SLF2: variants seen among roughly 807,000 people sequenced by gnomAD.
SLF2 encodes SMC5-SMC6 complex localization factor protein 2.
SLF2 carries 68 observed loss-of-function variants against 124.3 expected under a neutral mutation model. That is an observed-to-expected ratio of 0.55 (90% confidence interval 0.45 to 0.67). SLF2 has a LOEUF of 0.67. SLF2 is among the 30% of genes least tolerant of loss of function. The pLI is 0.00. For missense variants in SLF2, 1,246 were observed against 1,373.7 expected (o/e 0.91, Z 1.47); for synonymous variants, 480 against 478.8 (o/e 1.00, Z -0.03).
intron 7 of SLF2, 143 bp from the exon 8 acceptor site, chr10:100,929,687 G>A (rs1849689844): frequency 2.9e-6 from 2 of 693,524 alleles, no homozygotes; most frequent in Non-Finnish European, 4.6e-6. Flanking sequence ...AGTGGAAGAA[G>A]CAAAGCATAC....
chr10:100,941,296 A>T (rs1464519876), intron 11 of SLF2, among the ~76,000 whole-genome samples: 2 of 152,188 alleles, frequency 1.3e-5, no homozygotes, highest in African/African-American at 4.8e-5. Context: ...GAAAATTCAG[A>T]TATTAAGGGA....
Position 100,924,247 on chromosome 10 carries a change from G to A in SLF2, c.1246G>A (p.Gly416Ser). 2.5e-6 allele frequency: 4 copies of A among 1,614,066 alleles called. No homozygotes were observed. Among genetic ancestry groups the A allele is most frequent in the Non-Finnish European group, 3.4e-6 (4 of 1,180,018 alleles). ...GLAPSNSGNS[G>S]HHSTRNSDQI... ...GGCACCTTCAAATTCTGGCAATTCT[G>A]GCCACCATTCTACCAGGAATAGTGA... is the stretch of plus-strand genomic sequence containing the variant. The change falls in exon 5 of 20, where the codon GGC becomes AGC. Residue 416 changes from glycine to serine, a missense_variant. This residue lies in a region of SLF2 where 698 missense variants were observed against 708.9 expected (regional missense o/e 0.98). Coordinates refer to ENST00000238961, the MANE Select transcript of SLF2 (RefSeq NM_018121.4).
rs1182840287 is a variant in SLF2, at chr10:100,963,837, C to T, written c.*1925C>T. The stretch of plus-strand genomic sequence containing the variant: ...GCAGTTTCAACAGATAACTGTCCAT[C>T]AAATTTAAAACCACTTTGATACATT... On this transcript the variant is annotated 3_prime_UTR_variant, in exon 20 of 20. Coordinates refer to ENST00000238961, the MANE Select transcript of SLF2 (RefSeq NM_018121.4). 1 of 151,882 alleles carries T rather than the reference C, an allele frequency of 6.6e-6. No homozygotes were observed. The highest frequency in any genetic ancestry group is 2.4e-5 in the African/African-American group (1 of 41,160). 9.4% of individuals were successfully genotyped at this position (151,882 alleles called of 1,614,324 possible).
At chr10:100,947,163 A>G in intron 14 of SLF2, 27 bp downstream of exon 14, 1 of 1,353,800 alleles carries the variant, frequency 7.4e-7, no homozygotes. Context: ...ATTAAACATT[A>G]AGAAATTTTA....
intron 17 of SLF2, among the ~76,000 whole-genome samples, chr10:100,955,229 C>T (rs1589968061): frequency 6.6e-6 from 1 of 151,728 alleles, no homozygotes; most frequent in Non-Finnish European, 1.5e-5. Context: ...TGTGAGCTAC[C>T]TCGCCCGGCT....
intron 4 of SLF2, among the ~76,000 whole-genome samples, chr10:100,918,763 A>T (rs1184758441): frequency 6.6e-6 from 1 of 152,074 alleles, no homozygotes; most frequent in East Asian, 1.9e-4. Context: ...AGCTGGGACT[A>T]CAGATGTGGG....
chr10:100,961,473 G>A (rs912896946), intron 19 of SLF2, among the ~76,000 whole-genome samples: 2 of 152,090 alleles, frequency 1.3e-5, no homozygotes, highest in Non-Finnish European at 2.9e-5. Flanking sequence ...TTAAGTCTTT[G>A]AGAAATCTTA....
chr10:100,945,573 T>C, intron 13 of SLF2, 67 bp downstream of exon 13: 3 of 1,223,604 alleles, frequency 2.5e-6, no homozygotes, highest in Non-Finnish European at 2.2e-6. Flanking sequence ...ATAGTGCATA[T>C]GGAATTAATA....
At chr10:100,919,233 G>A (rs758315686) in intron 4 of SLF2, among the ~76,000 whole-genome samples, 9 of 151,732 alleles carry the variant, frequency 5.9e-5, no homozygotes, top group Non-Finnish European at 1.2e-4. Context: ...GGATGGTCTC[G>A]ATCTCCTGAC....
At chr10:100,953,648 TA>T (rs1017680827) in intron 17 of SLF2, among the ~76,000 whole-genome samples, 9 of 151,554 alleles carry the variant, frequency 5.9e-5, no homozygotes, top group African/African-American at 1.4e-4. Context: ...TTTTCCTCTT[TA>T]AAAAAAAATT....
intron 19 of SLF2, among the ~76,000 whole-genome samples, chr10:100,961,262 G>A (rs191379097): frequency 0.01 from 1,533 of 151,926 alleles, 53 homozygotes; most frequent in Admixed American, 0.061. Flanking sequence ...CGCCCGCCTC[G>A]GCCTGCCAGA....
rs940479069 is a variant in SLF2 at position 100,963,578 on chromosome 10, G to A, written c.*1666G>A. On this transcript the variant is annotated 3_prime_UTR_variant, in exon 20 of 20. Transcript: ENST00000238961. ...AAACTCTGGCATCTATCTGCCCAAC[G>A]ATGGGGGCTTTCGTTCTGTAATTTA... The A allele has an allele frequency of 3.3e-5, 5 of 152,600 alleles. No individual in the cohort carries two copies. The highest frequency in any genetic ancestry group is 1.2e-4 in the African/African-American group (5 of 41,444). 9.5% of individuals were successfully genotyped at this position (152,600 alleles called of 1,614,324 possible).
In SLF2 at chr10:100,938,686, T is replaced by C; in HGVS notation, c.2604T>C (p.Ser868=). 1.2e-6 allele frequency: 2 copies of C among 1,613,490 alleles called. No individual in the cohort carries two copies. Among genetic ancestry groups the C allele is most frequent in the Non-Finnish European group, 1.7e-6 (2 of 1,179,834 alleles). The change falls in exon 11 of 20, where the codon TCT becomes TCC. Residue 868 remains serine (S), a synonymous_variant. Coordinates refer to ENST00000238961, the MANE Select transcript of SLF2 (RefSeq NM_018121.4). ...TCAATATGGGGATTGATTTTAGATC[T>C]TTGTTTCCCCTGGAGAATCTTCAGC... ...VFFNMGIDFR[S]LFPLENLQPD...
At chr10:100,949,990 A>C in intron 15 of SLF2, 86 bp from the exon 16 acceptor site, 1 of 1,272,922 alleles carries the variant, frequency 7.9e-7, no homozygotes, top group African/African-American at 1.5e-5. Context: ...GGACAAAATG[A>C]AAGAGTACAC....
Position 100,962,117 on chromosome 10 carries a change from G to A in SLF2, c.*205G>A. ...AAATATGATCTGCTTAATTGTTAAGGCAACTGACCTTTCAAAAGTGCAGAG... is the reference window on the plus strand; with the variant it reads ...AAATATGATCTGCTTAATTGTTAAGACAACTGACCTTTCAAAAGTGCAGAG... On this transcript the variant is annotated 3_prime_UTR_variant, in exon 20 of 20. Transcript: ENST00000238961. 2.2e-6 allele frequency: 1 copy of A among 450,634 alleles called. No individual in the cohort carries two copies. 27.9% of individuals were successfully genotyped at this position (450,634 alleles called of 1,614,324 possible).
At chr10:100,949,948 T>G in intron 15 of SLF2, 128 bp from the exon 16 acceptor site, 1 of 916,544 alleles carries the variant, frequency 1.1e-6, no homozygotes, top group Non-Finnish European at 1.5e-6. Flanking sequence ...GGAAAATGGA[T>G]ATTGTTAAGT....
chr10:100,960,084 A>G (rs1423900920), intron 19 of SLF2, among the ~76,000 whole-genome samples: 1 of 152,218 alleles, frequency 6.6e-6, no homozygotes, highest in Non-Finnish European at 1.5e-5. Context: ...CAGTTAATAT[A>G]ATAATAAGTG....
At chr10:100,949,624 A>G (rs1850172761) in intron 15 of SLF2, among the ~76,000 whole-genome samples, 1 of 150,286 alleles carries the variant, frequency 6.7e-6, no homozygotes, top group African/African-American at 2.5e-5. Context: ...GAGATGTAGT[A>G]TTGCTCTGTC....
In SLF2 at chr10:100,955,841, GGTT is replaced by G. The variant is rs1299209886; in HGVS notation, c.3331-607_3331-605del. 3.3e-5 allele frequency among the ~76,000 whole-genome samples: 5 copies of G among 151,132 alleles called. No homozygotes were observed. The East Asian group carries it at 7.8e-4, about 24-fold the overall frequency. ...GAATCGCCTGAACCTGGGAGCCAGA[GGTT>G]GTAGTGAGCTGAGATCGCACCACTG... On this transcript the variant is annotated intron_variant, in intron 17 of 19. Transcript: ENST00000238961.
Sources: gnomAD v4.1 joint callset for allele counts (sites outside exome capture counted in the v4.1 genomes callset) on GRCh38, gnomAD v4.1.1 for gene constraint, gnomAD v4.1.1 regional missense constraint, MANE v1.5 for transcripts, NCBI Gene and HGNC (gene_info 2026-07-23, HGNC 2026-07-21) for gene names.